The following NF1 variants were observed in gnomAD, a reference collection of about 807,000 sequenced individuals.
NF1 encodes the protein neurofibromin 1.
NF1 carries 122 observed loss-of-function variants against 325.7 expected under a neutral mutation model. That is an observed-to-expected ratio of 0.37 (90% CI 0.32 to 0.44). The LOEUF is 0.44. Ranked by LOEUF, NF1 falls within the 20% of genes least tolerant of loss-of-function variation. NF1 has a pLI of 1.00. For synonymous variants in NF1, 1,091 were observed against 1,186.0 expected (o/e 0.92, Z 1.65); for missense variants, 2,140 against 3,415.4 (o/e 0.63, Z 9.31).
At chr17:31,351,747 A>G (rs1360974362) in intron 50 of NF1, among the ~76,000 whole-genome samples, 1 of 152,242 alleles carries the variant, frequency 6.6e-6, no homozygotes, top group Admixed American at 6.5e-5. Context: ...ATCATGTTGT[A>G]CACCAAGCTT....
At chr17:31,274,442 A>C (rs1733517137) in intron 36 of NF1, among the ~76,000 whole-genome samples, 1 of 152,172 alleles carries the variant, frequency 6.6e-6, no homozygotes, top group South Asian at 2.1e-4. Context: ...AAGCCAGTAC[A>C]TGTTCCTCAC....
intron 29 of NF1, among the ~76,000 whole-genome samples, chr17:31,248,737 G>A (rs1366325282): frequency 6.6e-6 from 1 of 151,900 alleles, no homozygotes; most frequent in East Asian, 1.9e-4. Flanking sequence ...TGGCCAGGCT[G>A]GTCTTGAACT....
At chr17:31,277,231 A>T (rs1188411529) in intron 36 of NF1, among the ~76,000 whole-genome samples, 1 of 152,102 alleles carries the variant, frequency 6.6e-6, no homozygotes, top group East Asian at 1.9e-4. Flanking sequence ...GTATAAGTGG[A>T]TCAGCATGGT....
Position 31,376,820 on chromosome 17 carries a change from C to T in NF1, c.*2665C>T, listed in dbSNP as rs1315450295. 17 of 233,066 alleles carry T rather than the reference C, an allele frequency of 7.3e-5. No homozygotes were observed. In the Admixed American group the frequency reaches 9.6e-4, roughly 13 times the overall value. The allele number at this position is 233,066 out of a possible 1,614,324, so 14.4% of individuals were successfully genotyped here. ...TAATCTACCTGTTATGCCAGTACTC[C>T]CATCCGAGGGGCATGCCCTTAGTTG... is the stretch of plus-strand genomic sequence containing the variant. On this transcript the variant is annotated 3_prime_UTR_variant, in exon 58 of 58. Transcript: ENST00000358273.
chr17:31,250,794 T>G, intron 30 of NF1: 1 of 188,376 alleles, frequency 5.3e-6, no homozygotes, highest in East Asian at 8.6e-5. Flanking sequence ...TTAAACACTA[T>G]ATGTGGTGAT....
chr17:31,149,053 A>G (rs1173857910), intron 1 of NF1, among the ~76,000 whole-genome samples: 3 of 149,080 alleles, frequency 2.0e-5, no homozygotes, highest in South Asian at 2.1e-4. Context: ...ATATATTTCT[A>G]TCTCCTCCCT....
chr17:31,318,978 T>C (rs554381815), intron 36 of NF1: 4 of 1,612,280 alleles, frequency 2.5e-6, no homozygotes, highest in South Asian at 2.2e-5. Context: ...AGGCAAGATG[T>C]AGGTAATGTC....
At chr17:31,324,312 C>G (rs2069287923) in intron 36 of NF1, among the ~76,000 whole-genome samples, 1 of 152,178 alleles carries the variant, frequency 6.6e-6, no homozygotes, top group Non-Finnish European at 1.5e-5. Flanking sequence ...GGTGATCTGC[C>G]CGTCTTGGCC....
chr17:31,205,417 CCAGT>C (rs993833285), intron 11 of NF1, among the ~76,000 whole-genome samples: 77 of 152,106 alleles, frequency 5.1e-4, no homozygotes, highest in African/African-American at 1.6e-3. Flanking sequence ...GAAAATTCAT[CCAGT>C]CAGTTTTTTA....
chr17:31,164,639 G>T (rs1221211435), intron 4 of NF1, among the ~76,000 whole-genome samples: 1 of 152,144 alleles, frequency 6.6e-6, no homozygotes, highest in African/African-American at 2.4e-5. Context: ...TTTCCAGCAG[G>T]TGTGAAAGAC....
Position 31,259,155 on chromosome 17 carries a change from T to TG in NF1, c.4430+27dup, listed in dbSNP as rs2067641075. The TG allele has an allele frequency of 2.1e-6, 3 of 1,459,790 alleles. No individual in the cohort carries two copies. In the East Asian group the frequency reaches 6.9e-5, roughly 34 times the overall value. The allele number at this position is 1,459,790 out of a possible 1,614,324, so 90.4% of individuals were successfully genotyped here. A position where few individuals can be genotyped will look rare whatever the true frequency, so the allele number is the denominator to read the frequency against. ...GTAATTTTCTTGCCACTTACTCAGT[T>TG]GCTCTGTTTGAATCAAATATTTTCG... On this transcript the variant is annotated intron_variant, in intron 33 of 57. Coordinates refer to ENST00000358273, the MANE Select transcript of NF1 (RefSeq NM_001042492.3).
chr17:31,338,902 T>C (rs1398225708), intron 46 of NF1, 97 bp downstream of exon 46: 34 of 850,398 alleles, frequency 4.0e-5, no homozygotes, highest in Non-Finnish European at 6.0e-5. Context: ...GAATTGAGAA[T>C]AAGTTATAAA....
chr17:31,358,763 C>A, intron 55 of NF1, 141 bp downstream of exon 55: 2 of 1,226,354 alleles, frequency 1.6e-6, no homozygotes, highest in Non-Finnish European at 1.2e-6. Flanking sequence ...TTTACTCTCT[C>A]AACTGTATGT....
intron 36 of NF1, among the ~76,000 whole-genome samples, chr17:31,276,387 A>G (rs2068010860): frequency 6.6e-6 from 1 of 152,126 alleles, no homozygotes; most frequent in Non-Finnish European, 1.5e-5. Flanking sequence ...GCTTGAGTTT[A>G]ACTTTCATCT....
At chr17:31,222,179 T>A in intron 15 of NF1, 1 of 1,186,060 alleles carries the variant, frequency 8.4e-7, no homozygotes, top group Non-Finnish European at 1.0e-6. Flanking sequence ...AGTACTGTTG[T>A]TTGGTATATT....
rs768576285 is a variant in NF1 at position 31,182,493 on chromosome 17, A to G, written c.731-15A>G. On this transcript the variant is annotated splice_polypyrimidine_tract_variant and intron_variant, in intron 7 of 57. Transcript: ENST00000358273. Reference sequence around the variant, plus strand: ...TTCCTATCTAATAATGTCATTTAATATATTTTTCATGCAGAATGTGCAGAA... The same window carrying G: ...TTCCTATCTAATAATGTCATTTAATGTATTTTTCATGCAGAATGTGCAGAA... 3.1e-6 allele frequency: 5 copies of G among 1,613,254 alleles called. No individual in the cohort carries two copies. The Admixed American group carries it at 6.7e-5, about 22-fold the overall frequency.
intron 36 of NF1, among the ~76,000 whole-genome samples, chr17:31,320,678 C>A (rs985120903): frequency 6.6e-6 from 1 of 152,026 alleles, no homozygotes; most frequent in African/African-American, 2.4e-5. Flanking sequence ...TAGATTATGA[C>A]CTTTAGTAGA....
chr17:31,318,712 C>G (rs766322950), intron 36 of NF1: 2 of 1,614,060 alleles, frequency 1.2e-6, no homozygotes, highest in South Asian at 1.1e-5. Context: ...AGGACTGTTG[C>G]TGACGACAGA....
chr17:31,252,796 C>G (rs2067518401), intron 30 of NF1, 142 bp from the exon 31 acceptor site: 1 of 694,122 alleles, frequency 1.4e-6, no homozygotes, highest in East Asian at 2.7e-5. Flanking sequence ...ATTCATTCCT[C>G]AAAATTCAGT....
Sources: gnomAD v4.1 joint callset for allele counts (sites outside exome capture counted in the v4.1 genomes callset) on GRCh38, gnomAD v4.1.1 for gene constraint, MANE v1.5 for transcripts, NCBI Gene and HGNC (gene_info 2026-07-23, HGNC 2026-07-21) for gene names.